RARB: variants seen among roughly 807,000 people sequenced by gnomAD.
The protein encoded by RARB is retinoic acid receptor beta.
In RARB, 17 loss-of-function variants were observed where a neutral mutation model predicts 51.9. The observed-to-expected ratio is 0.33, with a 90% CI of 0.22 to 0.49. The LOEUF (loss-of-function observed/expected upper bound fraction) is 0.49. RARB is among the 20% of genes least tolerant of loss of function. The pLI, the probability that RARB is intolerant of heterozygous loss-of-function variation, is 0.99. For synonymous variants in RARB, 215 were observed against 195.4 expected (o/e 1.10, Z -0.84); for missense variants, 369 against 550.8 (o/e 0.67, Z 3.30).
intron 5 of RARB, among the ~76,000 whole-genome samples, chr3:25,188,579 G>C (rs966215845): frequency 6.6e-6 from 1 of 152,108 alleles, no homozygotes; most frequent in Non-Finnish European, 1.5e-5. Context: ...AAGTTATTCT[G>C]TCAGCTTCTT....
rs775744919 is a variant in RARB at position 25,249,681 on chromosome 3, ATT to A, written c.178+75126_178+75127del. Reference sequence around the variant, plus strand: ...TATGCAGTAGTGTAGTCTCTGTATGATTTTTTTTTTTTTTTTTTTTTGGCTGT... The same window carrying A: ...TATGCAGTAGTGTAGTCTCTGTATGATTTTTTTTTTTTTTTTTTTGGCTGT... On this transcript the variant is annotated intron_variant, in intron 5 of 11. Coordinates refer to the RARB transcript ENST00000383772. Among the ~76,000 whole-genome samples the A allele has an allele frequency of 2.4e-3, 232 of 95,256 alleles. 1 individual carries two copies. Among genetic ancestry groups the A allele is most frequent in the African/African-American group, 6.4e-3 (165 of 25,702 alleles). The allele number at this position is 95,256 out of a possible 152,430, so 62.5% of individuals were successfully genotyped here.
intron 5 of RARB, among the ~76,000 whole-genome samples, chr3:25,221,728 T>A (rs1434894461): frequency 6.6e-6 from 1 of 152,188 alleles, no homozygotes; most frequent in Admixed American, 6.5e-5. Flanking sequence ...AGAACTTGAT[T>A]GACACAAGCT....
In RARB at chr3:25,594,536, G is replaced by T; in HGVS notation, c.1008G>T (p.Glu336Asp). 1 of 1,609,768 alleles carries T rather than the reference G, an allele frequency of 6.2e-7. No individual in the cohort carries two copies. Among genetic ancestry groups the T allele is most frequent in the Non-Finnish European group, 8.5e-7 (1 of 1,178,598 alleles). ...GGTATCCAGACCGCCAGGACCTTGA[G>T]GAACCGACAAAAGTAGATAAGCTAC... ...CLICGDRQDL[E>D]EPTKVDKLQE... Residue 336 changes from glutamate to aspartate, a missense_variant, in exon 7 of 8, where the codon GAG (glutamate) becomes GAT (aspartate). Physicochemically the swap from Glu to Asp is conservative, Grantham distance 45. Transcript: ENST00000330688.
At chr3:25,266,883 C>T (rs1443466425) in intron 5 of RARB, among the ~76,000 whole-genome samples, 1 of 152,232 alleles carries the variant, frequency 6.6e-6, no homozygotes, top group Admixed American at 6.5e-5. Context: ...TTGCAGAATT[C>T]TAGCCTCCTG....
At chr3:25,464,939 CG>C (rs1346325431) in intron 2 of RARB, among the ~76,000 whole-genome samples, 1 of 151,996 alleles carries the variant, frequency 6.6e-6, no homozygotes, top group African/African-American at 2.4e-5. Flanking sequence ...TAGTAGTTTA[CG>C]GTTATGTCAT....
chr3:25,213,871 G>A (rs1228404862), intron 5 of RARB, among the ~76,000 whole-genome samples: 1 of 152,118 alleles, frequency 6.6e-6, no homozygotes, highest in Non-Finnish European at 1.5e-5. Flanking sequence ...TCTCTTACTT[G>A]GCAATGTTAT....
intron 2 of RARB, among the ~76,000 whole-genome samples, chr3:24,918,619 G>T (rs866272277): frequency 6.6e-6 from 1 of 152,086 alleles, no homozygotes; most frequent in Non-Finnish European, 1.5e-5. Context: ...ACAGTGGCTC[G>T]CACCTGTAAT....
At chr3:24,940,348 G>A (rs1415562372) in intron 2 of RARB, among the ~76,000 whole-genome samples, 2 of 152,214 alleles carry the variant, frequency 1.3e-5, no homozygotes, top group African/African-American at 4.8e-5. Context: ...ATACAGGTCT[G>A]TGATGCTGGC....
intron 5 of RARB, among the ~76,000 whole-genome samples, chr3:25,297,625 C>T (rs566690077): frequency 1.1e-4 from 16 of 152,058 alleles, no homozygotes; most frequent in Admixed American, 5.9e-4. Context: ...AGCAGATCTT[C>T]GTGGGGATTT....
intron 5 of RARB, among the ~76,000 whole-genome samples, chr3:25,330,348 G>A (rs1261000409): frequency 6.6e-6 from 1 of 152,154 alleles, no homozygotes; most frequent in Admixed American, 6.5e-5. Flanking sequence ...GAAGAGAGTG[G>A]GGGCCAATAT....
intron 2 of RARB, among the ~76,000 whole-genome samples, chr3:24,978,996 A>C (rs1039581572): frequency 1.1e-4 from 17 of 152,000 alleles, no homozygotes; most frequent in Non-Finnish European, 1.2e-4. Context: ...TTTCTGCCTT[A>C]ATTTCATTAT....
intron 3 of RARB, among the ~76,000 whole-genome samples, chr3:25,076,537 T>A (rs1439036377): frequency 6.6e-6 from 1 of 152,204 alleles, no homozygotes; most frequent in Non-Finnish European, 1.5e-5. Context: ...CTGCTGACAT[T>A]TTTAGTGAAT....
At chr3:25,036,836 C>G (rs1379651685) in intron 2 of RARB, among the ~76,000 whole-genome samples, 1 of 152,156 alleles carries the variant, frequency 6.6e-6, no homozygotes, top group Non-Finnish European at 1.5e-5. Flanking sequence ...TGGCCAGATT[C>G]TCTGGGTTTC....
At chr3:25,213,078 T>C (rs183563739) in intron 5 of RARB, among the ~76,000 whole-genome samples, 2 of 152,290 alleles carry the variant, frequency 1.3e-5, no homozygotes, top group African/African-American at 4.8e-5. Flanking sequence ...AGTATTTTTT[T>C]AACTGTTAAA....
At chr3:25,234,681 CT>C (rs1302656189) in intron 5 of RARB, among the ~76,000 whole-genome samples, 2 of 152,064 alleles carry the variant, frequency 1.3e-5, no homozygotes, top group Non-Finnish European at 2.9e-5. Context: ...AAATAGTTCC[CT>C]TTTCTTCATT....
chr3:25,390,413 C>A (rs1706917902), intron 5 of RARB, among the ~76,000 whole-genome samples: 1 of 152,130 alleles, frequency 6.6e-6, no homozygotes, highest in Admixed American at 6.6e-5. Context: ...TCTGGGACTT[C>A]CCAGTCTCCA....
At chr3:25,343,847 T>C (rs17016228) in intron 5 of RARB, among the ~76,000 whole-genome samples, 5,633 of 152,136 alleles carry the variant, frequency 0.037, 376 homozygotes, top group African/African-American at 0.13. Context: ...GTAAGTCTTG[T>C]CATGAGGAAA....
At chr3:25,007,291 AG>A (rs1182929089) in intron 2 of RARB, among the ~76,000 whole-genome samples, 3 of 152,180 alleles carry the variant, frequency 2.0e-5, no homozygotes, top group Admixed American at 2.0e-4. Flanking sequence ...TAATTAATAA[AG>A]GATGTTATCC....
At chr3:25,519,765 A>C (rs375465089) in intron 3 of RARB, among the ~76,000 whole-genome samples, 1 of 152,204 alleles carries the variant, frequency 6.6e-6, no homozygotes, top group Non-Finnish European at 1.5e-5. Flanking sequence ...ATTAACTCAG[A>C]TTATTCTGAG....
Sources: allele counts gnomAD v4.1 joint callset (sites outside exome capture counted in the v4.1 genomes callset), GRCh38; gene constraint gnomAD v4.1.1; transcripts MANE v1.5; gene names NCBI Gene and HGNC (gene_info 2026-07-23, HGNC 2026-07-21).